SERPINB7: variants seen among roughly 807,000 people sequenced by gnomAD.
The protein encoded by SERPINB7 is serpin B7.
SERPINB7 carries 31 observed loss-of-function variants against 37.4 expected under a neutral mutation model. That is an observed-to-expected ratio of 0.83 (90% CI 0.62 to 1.12). The LOEUF is 1.12. Ranked by LOEUF, SERPINB7 falls within the 50% of genes most tolerant of loss-of-function variation. SERPINB7 has a pLI of 0.00. For synonymous variants in SERPINB7, 163 were observed against 166.1 expected (o/e 0.98, Z 0.14); for missense variants, 521 against 455.3 (o/e 1.14, Z -1.31).
At chr18:63,786,064 ATATACT>A (rs2049364226) in intron 2 of SERPINB7, among the ~76,000 whole-genome samples, 2 of 132,834 alleles carry the variant, frequency 1.5e-5, no homozygotes, top group African/African-American at 5.9e-5. Context: ...TGTATATATA[ATATACT>A]TATATATACA....
chr18:63,790,124 T>A (rs2049411590), intron 2 of SERPINB7, among the ~76,000 whole-genome samples: 2 of 152,242 alleles, frequency 1.3e-5, no homozygotes, highest in African/African-American at 4.8e-5. Flanking sequence ...TCTTGAGCTT[T>A]ATTGTAAGTA....
chr18:63,759,587 G>A (rs1282704312), intron 1 of SERPINB7, among the ~76,000 whole-genome samples: 1 of 151,956 alleles, frequency 6.6e-6, no homozygotes, highest in Non-Finnish European at 1.5e-5. Flanking sequence ...GTAACTGGAA[G>A]GGCTCCCATG....
chr18:63,778,664 CTTT>C (rs1385693987), intron 1 of SERPINB7, among the ~76,000 whole-genome samples: 5 of 151,934 alleles, frequency 3.3e-5, no homozygotes, highest in Non-Finnish European at 7.4e-5. Flanking sequence ...CTACTTTTTG[CTTT>C]TTATTAAACT....
rs763572351 is a variant in SERPINB7 at position 63,804,347 on chromosome 18, T to C, written c.855T>C (p.Tyr285=). ...CTCAGTTCAAGATAGAGAAGAATTA[T>C]GAAATGAAACAATATTTGAGAGCCC... ...FFPQFKIEKN[Y]EMKQYLRALG... is the part of the protein sequence containing the mutation. Residue 285 remains tyrosine, a synonymous_variant, in exon 8 of 8, where the codon TAT becomes TAC. Coordinates refer to ENST00000398019, the MANE Select transcript of SERPINB7 (RefSeq NM_003784.4). 17 of 1,613,608 alleles carry C rather than the reference T, an allele frequency of 1.1e-5. No homozygotes were observed. In the East Asian group the frequency reaches 3.3e-4, roughly 32 times the overall value.
intron 1 of SERPINB7, among the ~76,000 whole-genome samples, chr18:63,760,014 A>C (rs2049144102): frequency 1.3e-5 from 2 of 152,208 alleles, no homozygotes; most frequent in African/African-American, 4.8e-5. Context: ...ATACCCAAAA[A>C]TGTGGAAGTG....
At chr18:63,763,682 T>C (rs543476633) in intron 1 of SERPINB7, among the ~76,000 whole-genome samples, 9 of 152,308 alleles carry the variant, frequency 5.9e-5, no homozygotes, top group Non-Finnish European at 1.0e-4. Flanking sequence ...AGTCAGAGAA[T>C]GAAGTTAAAG....
intron 7 of SERPINB7, among the ~76,000 whole-genome samples, chr18:63,802,386 A>C (rs1378304559): frequency 6.6e-6 from 1 of 152,018 alleles, no homozygotes; most frequent in African/African-American, 2.4e-5. Flanking sequence ...AGAGGCCTGG[A>C]CTCATCTCCC....
rs752398367 is a variant in SERPINB7 at position 63,792,442 on chromosome 18, A to AAACTTTACC, written c.218_219insAACTTTACC (p.Gln73_Ser74insThrLeuPro). 4.5e-5 allele frequency: 71 copies of AAACTTTACC among 1,585,592 alleles called. No homozygotes were observed. The East Asian group carries it at 1.6e-3, about 35-fold the overall frequency. On this transcript the variant is annotated inframe_insertion and splice_region_variant, in exon 3 of 8. Coordinates refer to ENST00000398019, the MANE Select transcript of SERPINB7 (RefSeq NM_003784.4). ...GGATATGGAAACTCTTCTAATAGTCAGGTAAAGACAATATGTTCTTTTAGA... is the reference window on the plus strand; with the variant it reads ...GGATATGGAAACTCTTCTAATAGTCAAACTTTACCGGTAAAGACAATATGTTCTTTTAGA...
At chr18:63,753,791 T>G (rs762589087) in intron 1 of SERPINB7, among the ~76,000 whole-genome samples, 2 of 152,192 alleles carry the variant, frequency 1.3e-5, no homozygotes, top group Non-Finnish European at 2.9e-5. Context: ...AAAAAAATTT[T>G]TTAGTAATAT....
chr18:63,774,365 A>G (rs909319318), upstream of SERPINB7, among the ~76,000 whole-genome samples: 44 of 152,250 alleles, frequency 2.9e-4, no homozygotes, highest in African/African-American at 1.1e-3. Context: ...TTTACAATAG[A>G]GAACCCAGTT....
At chr18:63,798,521 T>A (rs897817497) in intron 5 of SERPINB7, 83 bp from the exon 6 acceptor site, 4 of 1,127,866 alleles carry the variant, frequency 3.5e-6, no homozygotes, top group African/African-American at 3.2e-5. Context: ...AGAAAAAAAC[T>A]TCATACCAAT....
chr18:63,783,738 T>A (rs1025179998), intron 2 of SERPINB7, among the ~76,000 whole-genome samples: 1 of 152,210 alleles, frequency 6.6e-6, no homozygotes, highest in African/African-American at 2.4e-5. Flanking sequence ...GAGGCCTTGA[T>A]GTCGTCCCTT....
intron 1 of SERPINB7, among the ~76,000 whole-genome samples, chr18:63,776,279 A>C (rs117029743): frequency 0.023 from 3,521 of 150,772 alleles, 61 homozygotes; most frequent in Middle Eastern, 0.038. Flanking sequence ...AACCTCTAAA[A>C]CCTCCCTCCC....
chr18:63,767,850 T>C (rs2049188967), intron 1 of SERPINB7, among the ~76,000 whole-genome samples: 1 of 152,114 alleles, frequency 6.6e-6, no homozygotes, highest in Non-Finnish European at 1.5e-5. Flanking sequence ...TTGATAGGTA[T>C]AGAACTATTC....
chr18:63,800,524 G>A (rs1226151690), intron 6 of SERPINB7, among the ~76,000 whole-genome samples: 2 of 152,120 alleles, frequency 1.3e-5, no homozygotes, highest in East Asian at 1.9e-4. Flanking sequence ...TGTTCCAAGT[G>A]CTAGCTATAT....
intron 1 of SERPINB7, 31 bp from the exon 2 acceptor site, chr18:63,782,324 G>A: frequency 7.7e-7 from 1 of 1,291,398 alleles, no homozygotes; most frequent in Non-Finnish European, 1.0e-6. Context: ...AATGTACCGG[G>A]AACTAATTTC....
At chr18:63,798,362 A>G (rs184140564) in intron 5 of SERPINB7, among the ~76,000 whole-genome samples, 7 of 152,248 alleles carry the variant, frequency 4.6e-5, no homozygotes, top group Middle Eastern at 3.4e-3. Flanking sequence ...AGCTTCCTCA[A>G]CAGGAAATGG....
chr18:63,781,542 T>G lies in SERPINB7; in HGVS notation c.-18-813T>G, dbSNP rs116591863. 9.1e-4 allele frequency among the ~76,000 whole-genome samples: 138 copies of G among 152,334 alleles called. 1 individual carries two copies. The highest frequency in any genetic ancestry group is 3.3e-3 in the African/African-American group (137 of 41,580). On this transcript the variant is annotated intron_variant, in intron 1 of 7. Transcript: ENST00000398019. Reference sequence around the variant, plus strand: ...GTCTGAGACAACCCCAACTGCTATTTTGAGATCAATTTGAGTTGAGGAGAA... The same window carrying G: ...GTCTGAGACAACCCCAACTGCTATTGTGAGATCAATTTGAGTTGAGGAGAA...
intron 5 of SERPINB7, among the ~76,000 whole-genome samples, chr18:63,797,650 G>A (rs2049502294): frequency 6.6e-6 from 1 of 152,078 alleles, no homozygotes; most frequent in South Asian, 2.1e-4. Flanking sequence ...ACCCTACCCA[G>A]GTCTTGAAGC....
Sources: gnomAD v4.1 joint callset for allele counts (sites outside exome capture counted in the v4.1 genomes callset) on GRCh38, gnomAD v4.1.1 for gene constraint, MANE v1.5 for transcripts, NCBI Gene and HGNC (gene_info 2026-07-23, HGNC 2026-07-21) for gene names.